Variants in FRMPD3 observed in about 807,000 individuals in gnomAD.
The protein encoded by FRMPD3 is FERM and PDZ domain-containing protein 3.
Under a neutral mutation model 97.9 loss-of-function variants are expected in FRMPD3, and 42 were observed. The observed-to-expected ratio is 0.43, with a 90% CI of 0.34 to 0.55. The LOEUF is 0.55. Among genes scored for constraint, FRMPD3 ranks in the 20% least tolerant of loss-of-function variants. FRMPD3 has a pLI of 0.03. For missense variants in FRMPD3, 1,303 were observed against 1,457.7 expected (o/e 0.89, Z 1.73); for synonymous variants, 577 against 581.1 (o/e 0.99, Z 0.10).
intron 1 of FRMPD3, among the ~76,000 whole-genome samples, chrX:107,501,823 G>A: frequency 9.2e-6 from 1 of 109,016 alleles, no homozygotes; most frequent in Middle Eastern, 4.3e-3. Context: ...ACATCACACA[G>A]TAGCTATCCA....
chrX:107,522,651 G>A (rs1361947591), intron 1 of FRMPD3, among the ~76,000 whole-genome samples: 1 of 112,397 alleles, frequency 8.9e-6, no homozygotes, highest in Non-Finnish European at 1.9e-5. Context: ...TGGCAGGACA[G>A]AGGAGATAAT....
Position 107,602,368 on chromosome X carries a change from G to A in FRMPD3, c.4329G>A (p.Leu1443=). The A allele has an allele frequency of 6.6e-6, 8 of 1,210,538 alleles. No homozygotes were observed. The highest frequency in any genetic ancestry group is 8.9e-6 in the Non-Finnish European group (8 of 895,185). Reference sequence around the variant, plus strand: ...CCTTGGGTCCCAAAAGCAGGTCTCTGGAGTCACCGACGCTGGGAGACCCCT... The same window carrying A: ...CCTTGGGTCCCAAAAGCAGGTCTCTAGAGTCACCGACGCTGGGAGACCCCT... ...PIALGPKSRS[L]ESPTLGDPSY... The change falls in exon 15 of 15, where the codon CTG becomes CTA. Residue 1443 remains leucine (L), a synonymous_variant. Coordinates refer to ENST00000683843, the MANE Select transcript of FRMPD3 (RefSeq NM_001388459.1).
chrX:107,469,946 C>T (rs1475522090), intron 1 of FRMPD3, among the ~76,000 whole-genome samples: 1 of 112,054 alleles, frequency 8.9e-6, no homozygotes, highest in Non-Finnish European at 1.9e-5. Flanking sequence ...TTAGGACTCA[C>T]TGTATGCAAA....
intron 13 of FRMPD3, among the ~76,000 whole-genome samples, chrX:107,585,021 A>G (rs1923581405): frequency 8.9e-6 from 1 of 112,141 alleles, no homozygotes; most frequent in Non-Finnish European, 1.9e-5. Flanking sequence ...TTGAATCTAT[A>G]AATTACTTTG....
At chrX:107,498,917 G>T (rs1191329642) in intron 1 of FRMPD3, among the ~76,000 whole-genome samples, 1 of 111,079 alleles carries the variant, frequency 9.0e-6, no homozygotes, top group Non-Finnish European at 1.9e-5. Flanking sequence ...CCAGACAGAA[G>T]CAGAATTAGG....
intron 1 of FRMPD3, among the ~76,000 whole-genome samples, chrX:107,457,797 C>G (rs765274695): frequency 9.8e-5 from 11 of 112,013 alleles, no homozygotes; most frequent in Non-Finnish European, 1.5e-4. Context: ...AGCTCCATCC[C>G]ATCATACCCT....
At chrX:107,465,032 T>C in intron 1 of FRMPD3, among the ~76,000 whole-genome samples, 1 of 112,068 alleles carries the variant, frequency 8.9e-6, no homozygotes, top group Non-Finnish European at 1.9e-5. Context: ...TCCCAGCTAG[T>C]CTTTCTTGAG....
At chrX:107,559,166 C>G (rs1019114642) in intron 8 of FRMPD3, among the ~76,000 whole-genome samples, 3 of 110,644 alleles carry the variant, frequency 2.7e-5, no homozygotes, top group Admixed American at 9.6e-5. Context: ...CGGGGTTTCA[C>G]CATGTTGTCC....
At chrX:107,543,320 C>A (rs768590006) in intron 4 of FRMPD3, among the ~76,000 whole-genome samples, 18 of 111,387 alleles carry the variant, frequency 1.6e-4, no homozygotes, top group African/African-American at 4.6e-4. Context: ...CCCTCTTGCT[C>A]CCCCTCCATC....
At chrX:107,480,258 G>A (rs1011826425) in intron 1 of FRMPD3, among the ~76,000 whole-genome samples, 3 of 111,473 alleles carry the variant, frequency 2.7e-5, no homozygotes, top group Non-Finnish European at 5.6e-5. Flanking sequence ...GTGTGGTGAT[G>A]GAGAGGAGGC....
chrX:107,605,082 G>T lies in FRMPD3; in HGVS notation c.*1709G>T, dbSNP rs1924773541. On this transcript the variant is annotated 3_prime_UTR_variant, in exon 15 of 15. Transcript: ENST00000683843. ...ACTTCGCCACTCAGCCCCTGCCTGT[G>T]TCATTCCACCGCCATCCTTCACCTC... The T allele has an allele frequency of 9.1e-6, 1 of 110,466 alleles. No homozygotes were observed. The highest frequency in any genetic ancestry group is 1.9e-5 in the Non-Finnish European group (1 of 52,873). The allele number at this position is 110,466 out of a possible 1,213,427, so 9.1% of individuals were successfully genotyped here. A position where few individuals can be genotyped will look rare whatever the true frequency, so the allele number is the denominator to read the frequency against.
At chrX:107,598,861 G>A (rs1006691107) in intron 14 of FRMPD3, among the ~76,000 whole-genome samples, 7 of 112,337 alleles carry the variant, frequency 6.2e-5, no homozygotes, top group Middle Eastern at 4.2e-3. Context: ...CAGGAAAACC[G>A]TACAACATGC....
At chrX:107,553,332 CCACTTATCCTA>C (rs1177031701) in intron 7 of FRMPD3, among the ~76,000 whole-genome samples, 4 of 106,414 alleles carry the variant, frequency 3.8e-5, no homozygotes, top group Non-Finnish European at 5.8e-5. Flanking sequence ...TTCCCAACTC[CCACTTATCCTA>C]GGACAAGTGG....
intron 1 of FRMPD3, among the ~76,000 whole-genome samples, chrX:107,507,212 C>T (rs1057196050): frequency 8.1e-5 from 9 of 110,644 alleles, no homozygotes; most frequent in African/African-American, 2.6e-4. Context: ...CATCTCCGTC[C>T]CTCACCCCGA....
intron 12 of FRMPD3, among the ~76,000 whole-genome samples, chrX:107,566,887 T>C (rs920893622): frequency 2.7e-5 from 3 of 111,953 alleles, no homozygotes; most frequent in African/African-American, 9.7e-5. Context: ...TATGCTTATT[T>C]CTAGGGGTGA....
chrX:107,471,393 A>G (rs1277968193), intron 1 of FRMPD3, among the ~76,000 whole-genome samples: 1 of 104,424 alleles, frequency 9.6e-6, no homozygotes, highest in Non-Finnish European at 1.9e-5. Flanking sequence ...TTTGTTACAT[A>G]GGTATAGGTG....
rs1247132290 is a variant in FRMPD3, at chrX:107,604,991, G to C, written c.*1618G>C. The C allele has an allele frequency of 9.1e-6, 1 of 109,800 alleles. No individual in the cohort carries two copies. Among genetic ancestry groups the C allele is most frequent in the Non-Finnish European group, 1.9e-5 (1 of 52,741 alleles). The allele number at this position is 109,800 out of a possible 1,213,427, so 9.0% of individuals were successfully genotyped here. ...GTTGAATGGGCCAGAGATGCAGCCA[G>C]TGGGGAATCCTTTTCCCCTCAGCCA... is the stretch of plus-strand genomic sequence containing the variant. On this transcript the variant is annotated 3_prime_UTR_variant, in exon 15 of 15. Transcript: ENST00000683843.
chrX:107,505,407 AT>A, intron 1 of FRMPD3, among the ~76,000 whole-genome samples: 1 of 111,798 alleles, frequency 8.9e-6, no homozygotes, highest in Non-Finnish European at 1.9e-5. Flanking sequence ...ACTCCCCTCC[AT>A]GGAACCACAA....
At chrX:107,600,121 G>T (rs1413728096) in intron 14 of FRMPD3, among the ~76,000 whole-genome samples, 182 bp from the exon 15 acceptor site, 1 of 111,987 alleles carries the variant, frequency 8.9e-6, no homozygotes, top group Admixed American at 9.5e-5. Flanking sequence ...TACATGGAAA[G>T]ATGTACATAG....
Sources: allele counts gnomAD v4.1 joint callset (sites outside exome capture counted in the v4.1 genomes callset), GRCh38; gene constraint gnomAD v4.1.1; transcripts MANE v1.5; gene names NCBI Gene and HGNC (gene_info 2026-07-23, HGNC 2026-07-21).